Variants in ROBO2 observed in about 807,000 individuals in gnomAD.
The protein encoded by ROBO2 is roundabout guidance receptor 2, also known as roundabout homolog 2.
Under a neutral mutation model 160.8 loss-of-function variants are expected in ROBO2, and 53 were observed. The observed-to-expected ratio is 0.33, with a 90% CI of 0.26 to 0.41. The LOEUF (loss-of-function observed/expected upper bound fraction) is 0.41, where lower values mean the gene tolerates loss of function less well. ROBO2 is among the 10% of genes least tolerant of loss of function. The pLI, the probability that ROBO2 is intolerant of heterozygous loss-of-function variation, is 1.00. For synonymous variants in ROBO2, 664 were observed against 611.7 expected, an observed-to-expected ratio of 1.09 and a Z score of -1.26; for missense variants, 1,577 against 1,722.4, an observed-to-expected ratio of 0.92 and a Z score of 1.49.
At chr3:76,550,790 C>T (rs755962557) in intron 2 of ROBO2, among the ~76,000 whole-genome samples, 20 of 152,354 alleles carry the variant, frequency 1.3e-4, no homozygotes, top group Middle Eastern at 3.4e-3. Context: ...TGTGCACACT[C>T]GGGATGGCAC....
chr3:77,589,076 G>A, intron 17 of ROBO2, 143 bp downstream of exon 18: 1 of 891,736 alleles, frequency 1.1e-6, no homozygotes, highest in South Asian at 1.4e-5. Flanking sequence ...CACTCAACAT[G>A]CTTTAATGCA....
At position 76,217,353 on chromosome 3, in the gene ROBO2, C is replaced by G. The variant is rs147811670; in HGVS notation, c.109+279751C>G. On this transcript the variant is annotated intron_variant, in intron 2 of 26. Coordinates refer to the ROBO2 transcript ENST00000487694. ...GGAAATAGAGACACAAAAAACCTTT[C>G]AAAAAATCAATGAATCCAGGAGCTG... Among the ~76,000 whole-genome samples the G allele has an allele frequency of 3.2e-3, 487 of 152,104 alleles. 3 individuals carry two copies. The highest frequency in any genetic ancestry group is 0.011 in the African/African-American group (444 of 41,472).
At chr3:77,503,639 T>C (rs1013590734) in intron 5 of ROBO2, among the ~76,000 whole-genome samples, 3 of 152,118 alleles carry the variant, frequency 2.0e-5, no homozygotes, top group Middle Eastern at 3.4e-3. Context: ...TGATTTTTGC[T>C]AATTTCCTGA....
At position 76,269,401 on chromosome 3, in the gene ROBO2, C is replaced by A. The variant is rs147229733; in HGVS notation, c.109+331799C>A. ...TTTCTTCTCTTCCATTGCTTCTTGA[C>A]GTCTCCTTCAAGGGTTACTTTTTCC... On this transcript the variant is annotated intron_variant, in intron 2 of 26. Transcript: ENST00000487694. 3.4e-3 allele frequency among the ~76,000 whole-genome samples: 521 copies of A among 152,070 alleles called. 6 individuals carry two copies. The highest frequency in any genetic ancestry group is 0.025 in the Admixed American group (380 of 15,268).
intron 2 of ROBO2, among the ~76,000 whole-genome samples, chr3:76,025,277 A>G (rs1024913608): frequency 2.6e-5 from 4 of 151,690 alleles, no homozygotes; most frequent in African/African-American, 7.2e-5. Flanking sequence ...AGTCAGAAAC[A>G]TTCACAAAGT....
intron 2 of ROBO2, among the ~76,000 whole-genome samples, chr3:76,510,272 A>G (rs1166229119): frequency 6.6e-6 from 1 of 152,234 alleles, no homozygotes; most frequent in African/African-American, 2.4e-5. Flanking sequence ...ATGTTCATCT[A>G]TAACACACAA....
chr3:76,984,627 A>T (rs987745741), intron 2 of ROBO2, among the ~76,000 whole-genome samples: 1 of 152,144 alleles, frequency 6.6e-6, no homozygotes, highest in South Asian at 2.1e-4. Context: ...TGAAAGATAC[A>T]TGGAAACGTG....
At position 77,121,108 on chromosome 3, in the gene ROBO2, C is replaced by G. The variant is rs1038087380; in HGVS notation, c.388+22768C>G. On this transcript the variant is annotated intron_variant, in intron 2 of 25. Coordinates refer to ENST00000461745, the Ensembl canonical transcript of ROBO2. ...TACAGGCACCTGCCACCATGCGAGG[C>G]TAATTTTTGTATTTTTAGTAGAGAC... Among the ~76,000 whole-genome samples, 240 of 152,010 alleles carry G rather than the reference C, an allele frequency of 1.6e-3. 1 individual carries two copies. Among genetic ancestry groups the G allele is most frequent in the African/African-American group, 5.4e-3 (225 of 41,408 alleles).
At chr3:77,383,093 CTT>C (rs1432426150) in intron 2 of ROBO2, among the ~76,000 whole-genome samples, 1 of 152,062 alleles carries the variant, frequency 6.6e-6, no homozygotes, top group African/African-American at 2.4e-5. Flanking sequence ...TAACTTCTGA[CTT>C]ATATCTTATT....
chr3:77,323,540 G>T (rs1037006021), intron 2 of ROBO2, among the ~76,000 whole-genome samples: 4 of 152,100 alleles, frequency 2.6e-5, no homozygotes, highest in African/African-American at 9.7e-5. Flanking sequence ...TGTATCAAAT[G>T]AGTTTGTCAT....
chr3:77,059,927 A>C (rs1377594456), intron 1 of ROBO2, among the ~76,000 whole-genome samples: 2 of 152,062 alleles, frequency 1.3e-5, no homozygotes, highest in African/African-American at 4.8e-5. Flanking sequence ...CCTTCAGAGT[A>C]TATACTACAC....
intron 2 of ROBO2, among the ~76,000 whole-genome samples, chr3:77,227,361 C>A (rs2086619503): frequency 6.6e-6 from 1 of 151,914 alleles, no homozygotes; most frequent in Non-Finnish European, 1.5e-5. Flanking sequence ...CCATTTAGAA[C>A]AATTAAGAAA....
At chr3:76,579,234 A>G (rs2085498276) in intron 2 of ROBO2, among the ~76,000 whole-genome samples, 2 of 152,320 alleles carry the variant, frequency 1.3e-5, no homozygotes, top group African/African-American at 2.4e-5. Context: ...TGCTGGAACC[A>G]TAATAAATAA....
At chr3:76,555,997 A>C (rs969603409) in intron 2 of ROBO2, among the ~76,000 whole-genome samples, 1 of 152,078 alleles carries the variant, frequency 6.6e-6, no homozygotes, top group Non-Finnish European at 1.5e-5. Flanking sequence ...AGGCTGACGC[A>C]GGAGAATCAC....
intron 2 of ROBO2, among the ~76,000 whole-genome samples, chr3:76,144,189 A>G (rs1354573217): frequency 1.3e-5 from 2 of 152,050 alleles, no homozygotes; most frequent in Non-Finnish European, 2.9e-5. Context: ...AATTATTAAC[A>G]CTAATACACT....
intron 1 of ROBO2, among the ~76,000 whole-genome samples, chr3:77,077,494 G>C (rs545138226): frequency 6.6e-6 from 1 of 152,080 alleles, no homozygotes; most frequent in Admixed American, 6.5e-5. Flanking sequence ...ACAAGTGACC[G>C]GCAAGCCTTG....
chr3:77,537,202 T>G lies in ROBO2; in HGVS notation c.935-9136T>G, dbSNP rs148672510. ...AATTCAGAAGCCACTTCTGTTATTTTGTCGTCATACTATGTAATTATTGGC... is the reference window on the plus strand; with the variant it reads ...AATTCAGAAGCCACTTCTGTTATTTGGTCGTCATACTATGTAATTATTGGC... On this transcript the variant is annotated intron_variant, in intron 6 of 25. Coordinates refer to ENST00000461745, the Ensembl canonical transcript of ROBO2. 6.6e-5 allele frequency among the ~76,000 whole-genome samples: 10 copies of G among 152,280 alleles called. No individual in the cohort carries two copies. The East Asian group carries it at 1.9e-3, about 29-fold the overall frequency.
At chr3:77,564,910 T>C in intron 11 of ROBO2, 44 bp from the exon 13 acceptor site, 1 of 1,592,474 alleles carries the variant, frequency 6.3e-7, no homozygotes, top group Non-Finnish European at 8.6e-7. Flanking sequence ...ATTTCCAATC[T>C]TCAAATGACT....
chr3:77,244,676 G>A (rs1038405866), intron 2 of ROBO2, among the ~76,000 whole-genome samples: 2 of 151,944 alleles, frequency 1.3e-5, no homozygotes, highest in South Asian at 2.1e-4. Context: ...TCAGGAGATC[G>A]AGACCATCCT....
Sources: allele counts gnomAD v4.1 joint callset (sites outside exome capture counted in the v4.1 genomes callset), GRCh38; gene constraint gnomAD v4.1.1; transcripts MANE v1.5; gene names NCBI Gene and HGNC (gene_info 2026-07-23, HGNC 2026-07-21).